The following ERG variants were observed in gnomAD, a reference collection of about 807,000 sequenced individuals.
ERG encodes the protein ETS transcription factor ERG, also known as transcriptional regulator ERG.
In ERG, 9 loss-of-function variants were observed where a neutral mutation model predicts 55.3. The ratio of observed to expected loss-of-function variants is 0.16; its 90% CI spans 0.10 to 0.28. The LOEUF is 0.28. ERG is among the 10% of genes least tolerant of loss of function. ERG has a pLI of 1.00. For synonymous variants in ERG, 223 were observed against 237.3 expected (o/e 0.94, Z 0.55); for missense variants, 434 against 631.6 (o/e 0.69, Z 3.35).
chr21:38,520,971 G>T (rs1165362639), intron 2 of ERG, among the ~76,000 whole-genome samples: 1 of 152,118 alleles, frequency 6.6e-6, no homozygotes, highest in South Asian at 2.1e-4. Flanking sequence ...GGAATCACCA[G>T]TTTATAGATG....
chr21:38,490,964 A>G (rs980622687), intron 1 of ERG, among the ~76,000 whole-genome samples: 4 of 152,190 alleles, frequency 2.6e-5, no homozygotes, highest in African/African-American at 7.2e-5. Flanking sequence ...TGCTCTCTGG[A>G]TTCAACCTTC....
intron 3 of ERG, among the ~76,000 whole-genome samples, chr21:38,406,272 G>T (rs1988770609): frequency 6.6e-6 from 1 of 151,872 alleles, no homozygotes; most frequent in African/African-American, 2.4e-5. Context: ...ACAGAAAAGT[G>T]TACATATTTA....
At chr21:38,601,471 GAATA>G (rs1288157407) in intron 1 of ERG, among the ~76,000 whole-genome samples, 2 of 152,122 alleles carry the variant, frequency 1.3e-5, no homozygotes, top group Admixed American at 1.3e-4. Context: ...AGAGATAAAT[GAATA>G]AATATTTATT....
intron 4 of ERG, 68 bp downstream of exon 4, chr21:38,403,438 C>G (rs1209233104): frequency 1.3e-6 from 2 of 1,503,730 alleles, no homozygotes; most frequent in African/African-American, 2.7e-5. Flanking sequence ...CCTGGTTGAA[C>G]CCTCTGAAGC....
At chr21:38,384,002 G>T in intron 9 of ERG, 79 bp from the exon 10 acceptor site, 1 of 1,523,966 alleles carries the variant, frequency 6.6e-7, no homozygotes, top group Non-Finnish European at 8.8e-7. Flanking sequence ...ATGACGGAAG[G>T]AGGTGCTATT....
intron 1 of ERG, among the ~76,000 whole-genome samples, chr21:38,637,148 T>C (rs1003285714): frequency 2.6e-5 from 4 of 152,156 alleles, no homozygotes; most frequent in African/African-American, 9.7e-5. Context: ...TTCTAGTCAG[T>C]GTAAAAAGCA....
intron 2 of ERG, among the ~76,000 whole-genome samples, chr21:38,573,758 C>T (rs1226173585): frequency 4.6e-5 from 7 of 152,168 alleles, no homozygotes; most frequent in Non-Finnish European, 8.8e-5. Flanking sequence ...GTATGCTGAG[C>T]GCCGGTCCCC....
At position 38,383,414 on chromosome 21, in the gene ERG, T is replaced by G; in HGVS notation, c.1429A>C (p.Thr477Pro). 1.3e-6 allele frequency: 2 copies of G among 1,502,472 alleles called. No homozygotes were observed. The highest frequency in any genetic ancestry group is 8.9e-7 in the Non-Finnish European group (1 of 1,124,992). The allele number at this position is 1,502,472 out of a possible 1,614,324, so 93.1% of individuals were successfully genotyped here. Residue 477 changes from threonine (T) to proline (P), a missense_variant, in exon 10 of 10, where the codon ACT becomes CCT. By Grantham distance (38) the Thr-to-Pro change is conservative. Around this residue, in one of 5 missense-constraint regions of ERG, gnomAD observed 107 missense variants for 126.8 expected, o/e 0.84. Transcript: ENST00000288319. This position sits in a 1 kb window ranked among gnomAD's most constrained non-coding sequence, Gnocchi z 5.7. ...PTSHMPSHLG[T>P]YY ...CCTCCGCCAGGTCTTTAGTAGTAAGTGCCCAGATGAGAAGGCATATGGCTG... is the reference window on the plus strand; with the variant it reads ...CCTCCGCCAGGTCTTTAGTAGTAAGGGCCCAGATGAGAAGGCATATGGCTG...
intron 2 of ERG, among the ~76,000 whole-genome samples, chr21:38,521,819 T>TTGATCAGG (rs2059596937): frequency 6.6e-6 from 1 of 152,190 alleles, no homozygotes; most frequent in Non-Finnish European, 1.5e-5. Flanking sequence ...CACCGTAAGT[T>TTGATCAGG]TGATCAGATA....
At chr21:38,445,814 C>T (rs564354232) in intron 1 of ERG, among the ~76,000 whole-genome samples, 193 bp from the exon 2 acceptor site, 10 of 152,016 alleles carry the variant, frequency 6.6e-5, no homozygotes, top group African/African-American at 2.4e-4. Context: ...GAAATGCCAG[C>T]CTAGAAAAAC....
chr21:38,473,537 C>T (rs2059159416), intron 1 of ERG, among the ~76,000 whole-genome samples: 1 of 152,020 alleles, frequency 6.6e-6, no homozygotes, highest in Non-Finnish European at 1.5e-5. Flanking sequence ...ACTTAATCCT[C>T]ACTTCACGTA....
intron 2 of ERG, among the ~76,000 whole-genome samples, chr21:38,434,704 T>C (rs549810126): frequency 1.4e-4 from 21 of 152,332 alleles, no homozygotes; most frequent in African/African-American, 4.1e-4. Context: ...CCTTCATTCA[T>C]AAAAATGAAT....
intron 2 of ERG, among the ~76,000 whole-genome samples, chr21:38,524,743 A>AAAAG (rs940844266): frequency 5.9e-5 from 9 of 152,240 alleles, no homozygotes; most frequent in Admixed American, 5.2e-4. Context: ...ACTGTTTAAA[A>AAAAG]AAAGAAAGAA....
At chr21:38,370,351 C>T in the ERG span, among the ~76,000 whole-genome samples, 1 of 151,972 alleles carries the variant, frequency 6.6e-6, no homozygotes, top group African/African-American at 2.4e-5. Context: ...ATATGAGTTA[C>T]AAAACTTTCT....
In ERG at chr21:38,383,175, A is replaced by T. The variant is rs1261685089; in HGVS notation, c.*228T>A. ...ACTGTCTTTTACAAGGTCAGTCCAC[A>T]GATGATATGTCCATATTCGTGACAT... On this transcript the variant is annotated 3_prime_UTR_variant, in exon 10 of 10. Coordinates refer to ENST00000288319, the MANE Select transcript of ERG (RefSeq NM_182918.4). The surrounding 1 kb of genome is among the most constrained non-coding windows in gnomAD (Gnocchi z 5.7). 8.0e-7 allele frequency: 1 copy of T among 1,255,130 alleles called. No individual in the cohort carries two copies. Among genetic ancestry groups the T allele is most frequent in the Non-Finnish European group, 1.0e-6 (1 of 1,000,402 alleles). The allele number at this position is 1,255,130 out of a possible 1,614,324, so 77.7% of individuals were successfully genotyped here. A position where few individuals can be genotyped will look rare whatever the true frequency, so the allele number is the denominator to read the frequency against.
At chr21:38,462,369 A>C (rs926918016) in intron 1 of ERG, among the ~76,000 whole-genome samples, 2 of 80,644 alleles carry the variant, frequency 2.5e-5, no homozygotes, top group African/African-American at 6.9e-5. Flanking sequence ...ATGCATATAC[A>C]CAATTTTTTT....
At chr21:38,593,000 T>C (rs538779795) in intron 1 of ERG, among the ~76,000 whole-genome samples, 1 of 152,250 alleles carries the variant, frequency 6.6e-6, no homozygotes, top group Non-Finnish European at 1.5e-5. Context: ...CAGGTATTAA[T>C]GTGCCTGTGG....
At chr21:38,420,582 G>T (rs1360501950) in intron 3 of ERG, among the ~76,000 whole-genome samples, 1 of 152,182 alleles carries the variant, frequency 6.6e-6, no homozygotes, top group Non-Finnish European at 1.5e-5. Context: ...GCTAATATTT[G>T]ATGAGCAGCT....
intron 1 of ERG, among the ~76,000 whole-genome samples, chr21:38,625,792 A>G (rs559124006): frequency 6.6e-6 from 1 of 152,296 alleles, no homozygotes; most frequent in Admixed American, 6.5e-5. Context: ...AAGCATTCTC[A>G]ATTACTTAGA....
Sources: allele counts gnomAD v4.1 joint callset (sites outside exome capture counted in the v4.1 genomes callset), GRCh38; gene constraint gnomAD v4.1.1; regional missense constraint gnomAD v4.1.1; non-coding constraint Gnocchi (gnomAD v3.1); transcripts MANE v1.5; gene names NCBI Gene and HGNC (gene_info 2026-07-23, HGNC 2026-07-21).